TRMT11: variants seen among roughly 807,000 people sequenced by gnomAD.
TRMT11 encodes the protein tRNA (guanine(10)-N(2))-methyltransferase TRMT11.
A neutral mutation model predicts 62.8 loss-of-function variants in TRMT11; 53 were observed. That is an observed-to-expected ratio of 0.84 (90% CI 0.68 to 1.06). The LOEUF (loss-of-function observed/expected upper bound fraction) is 1.06, where lower values mean the gene tolerates loss of function less well. Ranked by LOEUF, TRMT11 falls within the 50% of genes least tolerant of loss-of-function variation. The pLI is 0.00. For missense variants in TRMT11, 556 were observed against 553.4 expected (o/e 1.00, Z -0.05); for synonymous variants, 188 against 190.3 (o/e 0.99, Z 0.10).
intron 12 of TRMT11, among the ~76,000 whole-genome samples, chr6:126,022,949 T>A (rs1583761219): frequency 6.6e-6 from 1 of 152,142 alleles, no homozygotes; most frequent in African/African-American, 2.4e-5. Context: ...ATTCTATTTC[T>A]GTCATAATTT....
intron 17 of TRMT11, among the ~76,000 whole-genome samples, chr6:126,105,072 T>C (rs1285388849): frequency 6.6e-6 from 1 of 152,204 alleles, no homozygotes. Flanking sequence ...TAATTTATTT[T>C]AAAAAAGATA....
chr6:126,105,782 A>G (rs1287403395), intron 17 of TRMT11, among the ~76,000 whole-genome samples: 1 of 152,268 alleles, frequency 6.6e-6, no homozygotes, highest in African/African-American at 2.4e-5. Flanking sequence ...AAGCACAACC[A>G]TGTAAAAGAG....
intron 21 of TRMT11, among the ~76,000 whole-genome samples, chr6:126,150,254 C>A (rs1414039088): frequency 2.0e-5 from 3 of 152,152 alleles, no homozygotes; most frequent in African/African-American, 7.2e-5. Context: ...GCTTTGGGAT[C>A]CTTTAGAGAG....
chr6:126,020,933 TTCTC>T (rs766178154), intron 11 of TRMT11, among the ~76,000 whole-genome samples: 24 of 152,206 alleles, frequency 1.6e-4, no homozygotes, highest in Non-Finnish European at 2.8e-4. Flanking sequence ...CTTACAATAT[TTCTC>T]TCTCTCTTAT....
chr6:126,266,770 T>C, the TRMT11 span, among the ~76,000 whole-genome samples: 1 of 152,218 alleles, frequency 6.6e-6, no homozygotes, highest in East Asian at 1.9e-4. Flanking sequence ...TTTCAACATT[T>C]TTTCCTGGCT....
rs895737598 is a variant in TRMT11 at position 126,145,023 on chromosome 6, G to A, written c.*1823+29168G>A. Among the ~76,000 whole-genome samples, 3 of 152,150 alleles carry A rather than the reference G, an allele frequency of 2.0e-5. No individual in the cohort carries two copies. The East Asian group carries it at 5.8e-4, about 29-fold the overall frequency. ...ATCCTACTTTTTAAAGACTGCCAGT[G>A]AAAGTTTTATATCTCTATGGTCCTA... On this transcript the variant is annotated intron_variant and NMD_transcript_variant, in intron 21 of 22. Transcript: ENST00000648977.
chr6:126,088,650 T>C (rs1213616205), intron 17 of TRMT11, among the ~76,000 whole-genome samples: 4 of 152,222 alleles, frequency 2.6e-5, no homozygotes, highest in Non-Finnish European at 4.4e-5. Context: ...ACTTTTAGGC[T>C]TCTCAAATAT....
downstream of TRMT11, among the ~76,000 whole-genome samples, chr6:126,041,186 AAAC>A (rs755820587): frequency 8.5e-5 from 13 of 152,146 alleles, no homozygotes; most frequent in African/African-American, 2.4e-4. Flanking sequence ...ACAAAACAAA[AAAC>A]AACAACAACA....
chr6:126,152,606 A>T (rs1351836543), intron 21 of TRMT11, among the ~76,000 whole-genome samples: 1 of 152,196 alleles, frequency 6.6e-6, no homozygotes, highest in African/African-American at 2.4e-5. Flanking sequence ...TAATACAGAG[A>T]TGATATTAAC....
chr6:126,268,251 G>T, the TRMT11 span, among the ~76,000 whole-genome samples: 1 of 152,130 alleles, frequency 6.6e-6, no homozygotes. Flanking sequence ...TCCACAGGGG[G>T]TTTCCAGCAT....
At chr6:126,265,383 A>C in the TRMT11 span, among the ~76,000 whole-genome samples, 1 of 152,164 alleles carries the variant, frequency 6.6e-6, no homozygotes, top group African/African-American at 2.4e-5. Flanking sequence ...AAATTATCCC[A>C]AAGTTTTGGT....
chr6:126,096,153 C>G (rs1366297340), intron 17 of TRMT11, among the ~76,000 whole-genome samples: 1 of 152,104 alleles, frequency 6.6e-6, no homozygotes, highest in Non-Finnish European at 1.5e-5. Flanking sequence ...TGGAAGGTAA[C>G]TTGATGGAAG....
chr6:126,115,028 A>T (rs1415404670), intron 19 of TRMT11, among the ~76,000 whole-genome samples: 2 of 151,960 alleles, frequency 1.3e-5, no homozygotes, highest in Non-Finnish European at 2.9e-5. Flanking sequence ...TTGCATTCTC[A>T]CCGCCAATCA....
At chr6:126,034,096 T>C (rs1774710164) in intron 12 of TRMT11, among the ~76,000 whole-genome samples, 1 of 152,026 alleles carries the variant, frequency 6.6e-6, no homozygotes, top group Non-Finnish European at 1.5e-5. Context: ...GGAAATTAAC[T>C]CTTTAGCCAT....
intron 17 of TRMT11, among the ~76,000 whole-genome samples, chr6:126,059,882 C>T (rs1243346064): frequency 4.6e-5 from 7 of 152,156 alleles, no homozygotes; most frequent in South Asian, 2.1e-4. Context: ...GAAATTAAAT[C>T]CTCCTTCACA....
chr6:126,078,661 G>A (rs1380639029), intron 17 of TRMT11, among the ~76,000 whole-genome samples: 3 of 152,130 alleles, frequency 2.0e-5, no homozygotes, highest in African/African-American at 4.8e-5. Context: ...GAGCATGCAC[G>A]TAGCCCCATC....
chr6:126,115,957 C>A (rs1035305603), intron 21 of TRMT11, among the ~76,000 whole-genome samples: 25 of 151,876 alleles, frequency 1.6e-4, no homozygotes, highest in African/African-American at 4.8e-4. Context: ...TGGGCTCCCC[C>A]CTCCAAGATT....
rs36080590 is a variant in TRMT11 at position 126,188,160 on chromosome 6, A to AC, written n.144-10633dup. ...ATCTACTTATTAGAAGATATCATCA[A>AC]CCCCCCATATCCCAAGAAAACAAAA... On this transcript the variant is annotated intron_variant and non_coding_transcript_variant, in intron 1 of 3. Transcript: ENST00000444229. Among the ~76,000 whole-genome samples, 9 of 152,004 alleles carry AC rather than the reference A, an allele frequency of 5.9e-5. 1 individual carries two copies. Among genetic ancestry groups the AC allele is most frequent in the Admixed American group, 2.0e-4 (3 of 15,238 alleles).
In TRMT11 at chr6:126,189,660, T is replaced by A. The variant is rs555643018; in HGVS notation, n.144-9139T>A. On this transcript the variant is annotated intron_variant and non_coding_transcript_variant, in intron 1 of 3. Coordinates refer to the TRMT11 transcript ENST00000444229. ...GGTTTCACTTTGCCTATAGTACATG[T>A]CATTAGTTCTTTGGGTTTTATTTTA... Among the ~76,000 whole-genome samples the A allele has an allele frequency of 4.6e-5, 7 of 152,228 alleles. No homozygotes were observed. The South Asian group carries it at 1.2e-3, about 27-fold the overall frequency.
Sources: gnomAD v4.1 joint callset for allele counts (sites outside exome capture counted in the v4.1 genomes callset) on GRCh38, gnomAD v4.1.1 for gene constraint, MANE v1.5 for transcripts, NCBI Gene and HGNC (gene_info 2026-07-23, HGNC 2026-07-21) for gene names.